The following NSUN3 variants were observed in gnomAD, a reference collection of about 807,000 sequenced individuals.
The protein encoded by NSUN3 is tRNA (cytosine(34)-C(5))-methyltransferase, mitochondrial.
NSUN3 carries 24 observed loss-of-function variants against 36.8 expected under a neutral mutation model. That is an observed-to-expected ratio of 0.65 (90% CI 0.47 to 0.92). The LOEUF is 0.92. NSUN3 is among the 40% of genes least tolerant of loss of function. The pLI, the probability that NSUN3 is intolerant of heterozygous loss-of-function variation, is 0.00. For missense variants in NSUN3, 381 were observed against 392.8 expected, an observed-to-expected ratio of 0.97 and a Z score of 0.25; for synonymous variants, 146 against 145.2, an observed-to-expected ratio of 1.01 and a Z score of -0.04.
At chr3:94,083,890 A>G (rs2077281384) in intron 2 of NSUN3, among the ~76,000 whole-genome samples, 1 of 152,176 alleles carries the variant, frequency 6.6e-6, no homozygotes, top group Non-Finnish European at 1.5e-5. Context: ...ACGAAATACC[A>G]GTTTTTAAAA....
intron 1 of NSUN3, 73 bp from the exon 2 acceptor site, chr3:94,064,364 G>T: frequency 1.1e-6 from 1 of 879,440 alleles, no homozygotes; most frequent in South Asian, 1.4e-5. Context: ...CTTAAAAAAA[G>T]ACCTTGCTAA....
intron 4 of NSUN3, 117 bp downstream of exon 4, chr3:94,094,411 C>A: frequency 9.8e-7 from 1 of 1,017,606 alleles, no homozygotes; most frequent in Non-Finnish European, 1.4e-6. Flanking sequence ...TTTCTCAGTA[C>A]CCTGGAAAAT....
At chr3:94,065,060 G>T (rs920747941) in intron 2 of NSUN3, among the ~76,000 whole-genome samples, 1 of 152,162 alleles carries the variant, frequency 6.6e-6, no homozygotes, top group Non-Finnish European at 1.5e-5. Context: ...AATGTTTAAT[G>T]CATGGAAGTG....
At chr3:94,125,301 T>C (rs1313668424) in intron 5 of NSUN3, among the ~76,000 whole-genome samples, 1 of 152,232 alleles carries the variant, frequency 6.6e-6, no homozygotes, top group Non-Finnish European at 1.5e-5. Flanking sequence ...CATTTTTATT[T>C]AATAATGAGA....
At chr3:94,083,330 T>A (rs1267654265) in intron 2 of NSUN3, among the ~76,000 whole-genome samples, 1 of 152,118 alleles carries the variant, frequency 6.6e-6, no homozygotes, top group Non-Finnish European at 1.5e-5. Flanking sequence ...CAGAAGAGAT[T>A]TATTGAAACT....
intron 3 of NSUN3, among the ~76,000 whole-genome samples, chr3:94,090,665 G>A (rs188217172): frequency 2.6e-5 from 4 of 152,102 alleles, no homozygotes; most frequent in Admixed American, 2.0e-4. Context: ...AAAAATGTAG[G>A]ATATAATATT....
At chr3:94,118,236 AT>A (rs1216742700) in intron 5 of NSUN3, among the ~76,000 whole-genome samples, 1 of 152,296 alleles carries the variant, frequency 6.6e-6, no homozygotes, top group Admixed American at 6.5e-5. Context: ...TGATATATCA[AT>A]TTTTTAAAAA....
chr3:94,126,674 A>G lies in NSUN3; in HGVS notation c.*184A>G, dbSNP rs369722791. 112 of 561,974 alleles carry G rather than the reference A, an allele frequency of 2.0e-4. No individual in the cohort carries two copies. Among genetic ancestry groups the G allele is most frequent in the East Asian group, 9.3e-4 (32 of 34,382 alleles). 34.8% of individuals were successfully genotyped at this position (561,974 alleles called of 1,614,324 possible). On this transcript the variant is annotated 3_prime_UTR_variant, in exon 6 of 6. Coordinates refer to ENST00000314622, the MANE Select transcript of NSUN3 (RefSeq NM_022072.5). ...TCAGGTGTATTTTTTTCCTAGAAAT[A>G]TATCTGTAACAATGATTTAAGGTGG...
rs181097453 is a variant in NSUN3 at position 94,076,101 on chromosome 3, C to T, written c.123-8006C>T. The T allele has an allele frequency of 1.5e-3, 2,158 of 1,480,536 alleles. 2 individuals carry two copies. The highest frequency in any genetic ancestry group is 1.6e-3 in the Non-Finnish European group (1,696 of 1,058,918). The allele number at this position is 1,480,536 out of a possible 1,614,324, so 91.7% of individuals were successfully genotyped here. A position where few individuals can be genotyped will look rare whatever the true frequency, so the allele number is the denominator to read the frequency against. ...TGAATAAACAACAACTCTGGTGACC[C>T]GTCTTCTGCATCTTCTGGGGATTGT... is the stretch of plus-strand genomic sequence containing the variant. On this transcript the variant is annotated intron_variant, in intron 2 of 5. Transcript: ENST00000314622.
chr3:94,076,074 C>A (rs1197645223), intron 2 of NSUN3: 2 of 1,572,504 alleles, frequency 1.3e-6, no homozygotes, highest in Non-Finnish European at 1.8e-6. Flanking sequence ...GTGTGACCAC[C>A]ATGAATAAAC....
intron 3 of NSUN3, among the ~76,000 whole-genome samples, chr3:94,090,194 T>A (rs1265604389): frequency 3.3e-5 from 5 of 152,148 alleles, no homozygotes; most frequent in Non-Finnish European, 5.9e-5. Flanking sequence ...CCTTTTCCTG[T>A]TAAGATGAAA....
chr3:94,103,839 GCCTGGTAA>G (rs1360583877), intron 5 of NSUN3, among the ~76,000 whole-genome samples: 2 of 152,182 alleles, frequency 1.3e-5, no homozygotes, highest in Non-Finnish European at 2.9e-5. Flanking sequence ...CCAGGCAAGA[GCCTGGTAA>G]CTCTTTGGGA....
intron 2 of NSUN3, among the ~76,000 whole-genome samples, chr3:94,077,564 G>C (rs993382947): frequency 9.9e-5 from 15 of 152,144 alleles, no homozygotes; most frequent in African/African-American, 3.6e-4. Context: ...AATTCATCTG[G>C]TCCTGGACTT....
chr3:94,112,989 C>G (rs1006955124), intron 5 of NSUN3, among the ~76,000 whole-genome samples: 6 of 152,134 alleles, frequency 3.9e-5, no homozygotes, highest in African/African-American at 1.4e-4. Flanking sequence ...CTCAGCCTCC[C>G]AAGTAGCTGG....
At chr3:94,071,193 C>T (rs1488404266) in intron 2 of NSUN3, among the ~76,000 whole-genome samples, 1 of 152,036 alleles carries the variant, frequency 6.6e-6, no homozygotes, top group African/African-American at 2.4e-5. Context: ...TTGTTTTGAT[C>T]GGTTTTGTAC....
intron 2 of NSUN3, 90 bp downstream of exon 2, chr3:94,064,636 G>C: frequency 1.3e-6 from 1 of 768,710 alleles, no homozygotes. Context: ...GAGGTTAAAA[G>C]GCAAAGGAAT....
Position 94,073,966 on chromosome 3 carries a change from T to C in NSUN3, c.122+9420T>C, listed in dbSNP as rs374770945. 7.9e-5 allele frequency among the ~76,000 whole-genome samples: 12 copies of C among 152,354 alleles called. No individual in the cohort carries two copies. The East Asian group carries it at 1.7e-3, about 22-fold the overall frequency. ...TTTAAGTCTTTAATCCATCTTCAGC[T>C]AATTTTCATATAAGGTGTAAGGAAG... On this transcript the variant is annotated intron_variant, in intron 2 of 5. Transcript: ENST00000314622.
intron 5 of NSUN3, among the ~76,000 whole-genome samples, chr3:94,115,372 T>A (rs1018378611): frequency 1.3e-5 from 2 of 152,196 alleles, no homozygotes; most frequent in Non-Finnish European, 2.9e-5. Flanking sequence ...CCTTTACTTA[T>A]ATTTGCTTCC....
At chr3:94,095,693 T>C (rs2077335358) in intron 5 of NSUN3, among the ~76,000 whole-genome samples, 1 of 152,158 alleles carries the variant, frequency 6.6e-6, no homozygotes, top group South Asian at 2.1e-4. Context: ...TTTTGACATA[T>C]GCCCTACTCC....
Sources: allele counts gnomAD v4.1 joint callset (sites outside exome capture counted in the v4.1 genomes callset), GRCh38; gene constraint gnomAD v4.1.1; transcripts MANE v1.5; gene names NCBI Gene and HGNC (gene_info 2026-07-23, HGNC 2026-07-21).